Variants in ZNRF1 observed in about 807,000 individuals in gnomAD.
The protein encoded by ZNRF1 is E3 ubiquitin-protein ligase ZNRF1.
ZNRF1 carries 3 observed loss-of-function variants against 18.4 expected under a neutral mutation model. The observed-to-expected ratio is 0.16, with a 90% CI of 0.07 to 0.42. The LOEUF is 0.42. Ranked by LOEUF, ZNRF1 falls within the 10% of genes least tolerant of loss-of-function variation. The pLI, the probability that ZNRF1 is intolerant of heterozygous loss-of-function variation, is 0.99. For missense variants in ZNRF1, 310 were observed against 329.8 expected (o/e 0.94, Z 0.47); for synonymous variants, 157 against 144.2 (o/e 1.09, Z -0.64).
At chr16:75,052,647 A>T (rs1428956686) in intron 1 of ZNRF1, among the ~76,000 whole-genome samples, 1 of 152,108 alleles carries the variant, frequency 6.6e-6, no homozygotes, top group Non-Finnish European at 1.5e-5. Context: ...CACTTCTTCA[A>T]GGCCACCTCC....
intron 1 of ZNRF1, among the ~76,000 whole-genome samples, chr16:75,026,147 A>T (rs1056157300): frequency 6.6e-6 from 1 of 152,216 alleles, no homozygotes; most frequent in Non-Finnish European, 1.5e-5. Context: ...CTGCAGAATA[A>T]TCAAATGACC....
chr16:75,061,834 T>C (rs1301283153), intron 1 of ZNRF1, among the ~76,000 whole-genome samples: 2 of 152,194 alleles, frequency 1.3e-5, no homozygotes, highest in Non-Finnish European at 2.9e-5. Context: ...AAAGTGCTAA[T>C]TTGAGGAACC....
intron 1 of ZNRF1, among the ~76,000 whole-genome samples, chr16:75,074,714 A>G (rs916467069): frequency 1.3e-5 from 2 of 152,132 alleles, no homozygotes; most frequent in Admixed American, 6.5e-5. Flanking sequence ...AAGCTGGGTG[A>G]TGAGTACCTG....
At chr16:75,051,674 CG>C (rs2035607908) in intron 1 of ZNRF1, among the ~76,000 whole-genome samples, 1 of 152,046 alleles carries the variant, frequency 6.6e-6, no homozygotes, top group Non-Finnish European at 1.5e-5. Context: ...TGTGCCACCA[CG>C]CCCAACTAAT....
At chr16:75,052,100 A>G (rs927871564) in intron 1 of ZNRF1, among the ~76,000 whole-genome samples, 3 of 152,204 alleles carry the variant, frequency 2.0e-5, no homozygotes, top group African/African-American at 7.2e-5. Flanking sequence ...CCAAAACCCT[A>G]TCAAGATAGA....
chr16:75,026,956 C>T (rs542375126), intron 1 of ZNRF1, among the ~76,000 whole-genome samples: 1 of 151,498 alleles, frequency 6.6e-6, no homozygotes, highest in African/African-American at 2.4e-5. Flanking sequence ...ACATTTATTT[C>T]ATCTTATTAA....
chr16:75,059,229 C>CT (rs35291578), intron 1 of ZNRF1, among the ~76,000 whole-genome samples: 287 of 92,902 alleles, frequency 3.1e-3, no homozygotes, highest in South Asian at 4.6e-3. Context: ...TTCTTTCTTT[C>CT]TTTTTTTTTT....
chr16:75,010,711 G>GTTTTTTTTTTTTTTTT lies in ZNRF1; in HGVS notation c.424+10623_424+10624insTTTTTTTTTTTTTTTT, dbSNP rs67210395. On this transcript the variant is annotated intron_variant, in intron 1 of 4. Coordinates refer to ENST00000335325, the MANE Select transcript of ZNRF1 (RefSeq NM_032268.5). ...CCTCTGTACTGTACTGTTTTTTTTT[G>GTTTTTTTTTTTTTTTT]TTTTTTTGTTTTTTTTTTTTTGAGG... Among the ~76,000 whole-genome samples, 148 of 74,310 alleles carry GTTTTTTTTTTTTTTTT rather than the reference G, an allele frequency of 2.0e-3. 8 individuals are homozygous for GTTTTTTTTTTTTTTTT. Among genetic ancestry groups the GTTTTTTTTTTTTTTTT allele is most frequent in the Non-Finnish European group, 3.2e-3 (101 of 31,874 alleles). The allele number at this position is 74,310 out of a possible 152,430, so 48.8% of individuals were successfully genotyped here. A position where few individuals can be genotyped will look rare whatever the true frequency, so the allele number is the denominator to read the frequency against.
At chr16:75,083,701 A>G (rs536343095) in intron 1 of ZNRF1, among the ~76,000 whole-genome samples, 11 of 152,298 alleles carry the variant, frequency 7.2e-5, no homozygotes, top group Non-Finnish European at 1.6e-4. Context: ...TTGACTTCCA[A>G]TGCCAACCAT....
intron 1 of ZNRF1, among the ~76,000 whole-genome samples, chr16:75,028,743 A>T (rs1224751005): frequency 6.6e-6 from 1 of 152,186 alleles, no homozygotes; most frequent in Non-Finnish European, 1.5e-5. Flanking sequence ...GTCACTGAGG[A>T]CCTTTGTACT....
intron 1 of ZNRF1, among the ~76,000 whole-genome samples, chr16:75,070,139 C>T (rs917345270): frequency 6.6e-6 from 1 of 152,182 alleles, no homozygotes; most frequent in Non-Finnish European, 1.5e-5. Context: ...TGTTCAGAGT[C>T]GGGTTGACCA....
chr16:75,059,210 C>T (rs1387970321), intron 1 of ZNRF1, among the ~76,000 whole-genome samples: 6 of 144,896 alleles, frequency 4.1e-5, no homozygotes, highest in South Asian at 2.2e-4. Flanking sequence ...CCTTTCCTTC[C>T]TTCTTTCCTT....
intron 1 of ZNRF1, among the ~76,000 whole-genome samples, chr16:75,066,303 T>C (rs1326077487): frequency 1.3e-5 from 2 of 152,032 alleles, no homozygotes; most frequent in East Asian, 3.8e-4. Flanking sequence ...TCCCCCAAAA[T>C]ACAAGACTGG....
chr16:75,024,164 C>G (rs1427072746), intron 1 of ZNRF1, among the ~76,000 whole-genome samples: 3 of 152,140 alleles, frequency 2.0e-5, no homozygotes, highest in Non-Finnish European at 2.9e-5. Context: ...GCCACCGCAC[C>G]CAGCCCAGAA....
intron 1 of ZNRF1, among the ~76,000 whole-genome samples, chr16:75,039,205 T>C (rs1383393123): frequency 6.6e-6 from 1 of 152,172 alleles, no homozygotes; most frequent in Non-Finnish European, 1.5e-5. Context: ...TAGACTAAAC[T>C]TGAAAAGTGG....
chr16:75,086,335 T>C (rs2036073970), intron 1 of ZNRF1, among the ~76,000 whole-genome samples: 1 of 152,154 alleles, frequency 6.6e-6, no homozygotes, highest in Admixed American at 6.5e-5. Context: ...GATGTCTGCT[T>C]ATGAGAAATT....
At chr16:75,090,989 G>C (rs1423034379) in intron 1 of ZNRF1, among the ~76,000 whole-genome samples, 1 of 152,106 alleles carries the variant, frequency 6.6e-6, no homozygotes, top group Non-Finnish European at 1.5e-5. Flanking sequence ...GAGCTCAAGT[G>C]ATTTCCCCAC....
At chr16:75,106,344 C>A in intron 3 of ZNRF1, 138 bp from the exon 4 acceptor site, 1 of 784,714 alleles carries the variant, frequency 1.3e-6, no homozygotes, top group Admixed American at 2.3e-5. Flanking sequence ...TATCTGGGGA[C>A]ATGACTGTGT....
intron 1 of ZNRF1, among the ~76,000 whole-genome samples, chr16:75,056,865 G>A (rs1292664616): frequency 2.6e-5 from 4 of 152,100 alleles, no homozygotes; most frequent in Admixed American, 6.6e-5. Flanking sequence ...TTGAACTCCT[G>A]ACCTCATGTG....
Sources: gnomAD v4.1 joint callset for allele counts (sites outside exome capture counted in the v4.1 genomes callset) on GRCh38, gnomAD v4.1.1 for gene constraint, MANE v1.5 for transcripts, NCBI Gene and HGNC (gene_info 2026-07-23, HGNC 2026-07-21) for gene names.